The following NALF1 variants were observed in gnomAD, a reference collection of about 807,000 sequenced individuals.
The protein encoded by NALF1 is NALCN channel auxiliary factor 1.
In NALF1, 3 loss-of-function variants were observed where a neutral mutation model predicts 48.4. That is an observed-to-expected ratio of 0.06 (90% CI 0.03 to 0.16). NALF1 has a LOEUF of 0.16. Ranked by LOEUF, NALF1 falls within the 10% of genes least tolerant of loss-of-function variation. NALF1 has a pLI of 1.00. For missense variants in NALF1, 526 were observed against 571.5 expected, an observed-to-expected ratio of 0.92 and a Z score of 0.81; for synonymous variants, 262 against 245.7, an observed-to-expected ratio of 1.07 and a Z score of -0.62.
chr13:107,277,543 T>C (rs928465067), intron 1 of NALF1, among the ~76,000 whole-genome samples: 2 of 152,176 alleles, frequency 1.3e-5, no homozygotes, highest in African/African-American at 4.8e-5. Context: ...TAAATTTGGA[T>C]CTTGACTGTC....
At chr13:107,636,623 T>C (rs947778149) in intron 1 of NALF1, among the ~76,000 whole-genome samples, 3 of 152,162 alleles carry the variant, frequency 2.0e-5, no homozygotes, top group Non-Finnish European at 4.4e-5. Flanking sequence ...TTAACTCTTC[T>C]TGTACAATTT....
At chr13:107,237,550 A>C (rs1880378365) in intron 1 of NALF1, among the ~76,000 whole-genome samples, 1 of 152,212 alleles carries the variant, frequency 6.6e-6, no homozygotes, top group Non-Finnish European at 1.5e-5. Flanking sequence ...TTCTGTATAC[A>C]TTAAATCATC....
intron 1 of NALF1, among the ~76,000 whole-genome samples, chr13:107,394,213 CTA>C (rs1319643659): frequency 1.3e-5 from 2 of 152,138 alleles, no homozygotes; most frequent in African/African-American, 4.8e-5. Context: ...ACTGTAATCT[CTA>C]TTTCACTAGA....
At chr13:107,592,882 A>G (rs1594147556) in intron 1 of NALF1, among the ~76,000 whole-genome samples, 1 of 151,922 alleles carries the variant, frequency 6.6e-6, no homozygotes, top group Non-Finnish European at 1.5e-5. Context: ...TCTGGCATCT[A>G]TACACATTCT....
chr13:107,237,590 G>T (rs1033687693), intron 1 of NALF1, among the ~76,000 whole-genome samples: 5 of 152,074 alleles, frequency 3.3e-5, no homozygotes, highest in African/African-American at 1.2e-4. Context: ...CTAATACAAT[G>T]TAAATGCTAT....
At chr13:107,341,720 G>A (rs1311731599) in intron 1 of NALF1, among the ~76,000 whole-genome samples, 3 of 150,820 alleles carry the variant, frequency 2.0e-5, no homozygotes, top group Non-Finnish European at 4.4e-5. Flanking sequence ...AGTATATATG[G>A]ATAGAGTATA....
chr13:107,530,256 A>G (rs1876584331), intron 1 of NALF1, among the ~76,000 whole-genome samples: 1 of 152,144 alleles, frequency 6.6e-6, no homozygotes, highest in Admixed American at 6.6e-5. Context: ...CCATCCTAGC[A>G]AGATAGTCTG....
chr13:107,604,486 G>A (rs1339329566), intron 1 of NALF1, among the ~76,000 whole-genome samples: 1 of 152,092 alleles, frequency 6.6e-6, no homozygotes, highest in African/African-American at 2.4e-5. Flanking sequence ...CTTGGGAAAC[G>A]TATCTGAACA....
rs79164930 is a variant in NALF1 at position 107,724,434 on chromosome 13, C to T, written c.915+141248G>A. Reference sequence around the variant, plus strand: ...ATGTTGTAAAATATCTTGATAAAACCCAGAATATAATCGTTCATTTACGAA... The same window carrying T: ...ATGTTGTAAAATATCTTGATAAAACTCAGAATATAATCGTTCATTTACGAA... On this transcript the variant is annotated intron_variant, in intron 1 of 2. Coordinates refer to ENST00000375915, the MANE Select transcript of NALF1 (RefSeq NM_001080396.3). Among the ~76,000 whole-genome samples the T allele has an allele frequency of 0.027, 4,065 of 152,022 alleles. 309 individuals carry two copies. The East Asian group carries it at 0.3, about 11-fold the overall frequency.
At chr13:107,458,559 T>G (rs1884864040) in intron 1 of NALF1, among the ~76,000 whole-genome samples, 1 of 151,204 alleles carries the variant, frequency 6.6e-6, no homozygotes, top group Non-Finnish European at 1.5e-5. Context: ...CCTCAGGGAG[T>G]GATGGGAAAC....
At chr13:107,533,454 C>T (rs1032811043) in intron 1 of NALF1, among the ~76,000 whole-genome samples, 1 of 152,070 alleles carries the variant, frequency 6.6e-6, no homozygotes, top group Non-Finnish European at 1.5e-5. Context: ...ACACAGCCTT[C>T]CTCCCCTACA....
intron 1 of NALF1, among the ~76,000 whole-genome samples, chr13:107,564,612 G>A (rs930412981): frequency 7.2e-5 from 11 of 152,194 alleles, no homozygotes; most frequent in South Asian, 2.1e-4. Context: ...TCAGACAAAC[G>A]CTCCACATAT....
intron 1 of NALF1, among the ~76,000 whole-genome samples, chr13:107,340,206 T>C (rs928621887): frequency 1.5e-4 from 22 of 150,510 alleles, no homozygotes; most frequent in Admixed American, 3.3e-4. Context: ...AGTGGTGCAA[T>C]CTCGGCTCAC....
intron 1 of NALF1, among the ~76,000 whole-genome samples, chr13:107,846,439 T>A (rs1002248528): frequency 6.6e-6 from 1 of 152,156 alleles, no homozygotes; most frequent in Admixed American, 6.6e-5. Flanking sequence ...ACTTCGTCTA[T>A]CCTGATTGAT....
At chr13:107,605,193 A>G (rs1273353269) in intron 1 of NALF1, among the ~76,000 whole-genome samples, 1 of 152,244 alleles carries the variant, frequency 6.6e-6, no homozygotes, top group East Asian at 1.9e-4. Flanking sequence ...TGTGACAAAG[A>G]CATCATTTAA....
chr13:107,492,133 C>A (rs918874993), intron 1 of NALF1, among the ~76,000 whole-genome samples: 2 of 150,686 alleles, frequency 1.3e-5, no homozygotes, highest in Non-Finnish European at 2.9e-5. Context: ...TCACTGCAAC[C>A]TCCACCTCCT....
intron 1 of NALF1, among the ~76,000 whole-genome samples, chr13:107,541,050 C>G (rs1438607924): frequency 6.6e-6 from 1 of 152,120 alleles, no homozygotes; most frequent in Admixed American, 6.6e-5. Flanking sequence ...ACAGCTCTGA[C>G]AGCCTCTTGT....
rs1380419057 is a variant in NALF1 at position 107,492,036 on chromosome 13, TTTTTTG to T, written c.916-281287_916-281282del. Reference sequence around the variant, plus strand: ...CATTTTTACAAGCCTGTCTGGGTTTTTTTTTGTTTTTTTTTTTTTTTGGTGAGGCAG... The same window carrying T: ...CATTTTTACAAGCCTGTCTGGGTTTTTTTTTTTTTTTTTTTGGTGAGGCAG... On this transcript the variant is annotated intron_variant, in intron 1 of 2. Transcript: ENST00000375915. Among the ~76,000 whole-genome samples, 102 of 111,756 alleles carry T rather than the reference TTTTTTG, an allele frequency of 9.1e-4. 1 individual carries two copies. The highest frequency in any genetic ancestry group is 3.7e-3 in the African/African-American group (95 of 25,736). The allele number at this position is 111,756 out of a possible 152,430, so 73.3% of individuals were successfully genotyped here. A position where few individuals can be genotyped will look rare whatever the true frequency, so the allele number is the denominator to read the frequency against.
intron 1 of NALF1, among the ~76,000 whole-genome samples, chr13:107,595,953 C>T (rs1342912891): frequency 6.6e-6 from 1 of 151,950 alleles, no homozygotes; most frequent in Non-Finnish European, 1.5e-5. Flanking sequence ...GTATATTTAG[C>T]CACTGGTCAC....
Sources: allele counts gnomAD v4.1 joint callset (sites outside exome capture counted in the v4.1 genomes callset), GRCh38; gene constraint gnomAD v4.1.1; transcripts MANE v1.5; gene names NCBI Gene and HGNC (gene_info 2026-07-23, HGNC 2026-07-21).